Variants in CDH13 observed in about 807,000 individuals in gnomAD.
CDH13 encodes the protein cadherin 13.
In CDH13, 24 loss-of-function variants were observed where a neutral mutation model predicts 63.8. That is an observed-to-expected ratio of 0.38 (90% CI 0.27 to 0.53). The LOEUF is 0.53. Among genes scored for constraint, CDH13 ranks in the 20% least tolerant of loss-of-function variants. The pLI is 0.85. For missense variants in CDH13, 1,049 were observed against 903.1 expected, an observed-to-expected ratio of 1.16 and a Z score of -2.07; for synonymous variants, 503 against 355.3, an observed-to-expected ratio of 1.42 and a Z score of -4.67.
intron 6 of CDH13, among the ~76,000 whole-genome samples, chr16:83,457,913 C>T (rs907763406): frequency 2.0e-5 from 3 of 152,186 alleles, no homozygotes; most frequent in Admixed American, 6.5e-5. Flanking sequence ...TTTTGCTTTT[C>T]CAGCAGGCGT....
intron 4 of CDH13, among the ~76,000 whole-genome samples, chr16:83,189,838 A>G (rs527864678): frequency 6.6e-6 from 1 of 152,236 alleles, no homozygotes; most frequent in East Asian, 1.9e-4. Flanking sequence ...GAGGGACCCA[A>G]TGGGAGGTAA....
chr16:82,639,067 C>T (rs781730117), intron 1 of CDH13, among the ~76,000 whole-genome samples: 2 of 152,116 alleles, frequency 1.3e-5, no homozygotes, highest in Non-Finnish European at 2.9e-5. Flanking sequence ...GGGTTTGGAC[C>T]CATGCGTCTT....
intron 4 of CDH13, among the ~76,000 whole-genome samples, chr16:83,155,135 A>C (rs1271822484): frequency 1.3e-5 from 2 of 152,256 alleles, no homozygotes; most frequent in East Asian, 3.8e-4. Context: ...TTCAAGAAGC[A>C]ATCTTTGAAA....
intron 4 of CDH13, among the ~76,000 whole-genome samples, chr16:83,210,769 A>C (rs1324255320): frequency 5.9e-5 from 9 of 151,960 alleles, no homozygotes; most frequent in South Asian, 2.1e-4. Context: ...GAGAACCTAC[A>C]GGGAAGTACC....
intron 7 of CDH13, among the ~76,000 whole-genome samples, chr16:83,536,901 G>T (rs904227241): frequency 2.0e-5 from 3 of 152,184 alleles, no homozygotes; most frequent in Admixed American, 2.0e-4. Context: ...TTCTTGACTG[G>T]TGCAATCGAA....
intron 2 of CDH13, among the ~76,000 whole-genome samples, chr16:83,005,861 G>C (rs1913437464): frequency 6.6e-6 from 1 of 152,196 alleles, no homozygotes; most frequent in Non-Finnish European, 1.5e-5. Flanking sequence ...ATGTAAGCTT[G>C]TACAGTCATC....
In CDH13 at chr16:82,694,327, C is replaced by T. The variant is rs60791684; in HGVS notation, c.45+67190C>T. Reference sequence around the variant, plus strand: ...GCTACTTTTGATAAAATGTGACAGGCAGACTTTGGTATTTCACCACCCCAA... The same window carrying T: ...GCTACTTTTGATAAAATGTGACAGGTAGACTTTGGTATTTCACCACCCCAA... On this transcript the variant is annotated intron_variant, in intron 1 of 13. Transcript: ENST00000567109. 7.6e-3 allele frequency among the ~76,000 whole-genome samples: 1,152 copies of T among 152,300 alleles called. 10 individuals carry two copies. The highest frequency in any genetic ancestry group is 0.026 in the African/African-American group (1,097 of 41,546).
intron 5 of CDH13, among the ~76,000 whole-genome samples, chr16:83,304,943 A>G (rs1013115815): frequency 3.9e-5 from 6 of 152,096 alleles, no homozygotes; most frequent in African/African-American, 1.4e-4. Context: ...GAACTTTCCC[A>G]CTTTTCATAT....
At chr16:83,102,492 G>C (rs1254471792) in intron 3 of CDH13, among the ~76,000 whole-genome samples, 1 of 152,120 alleles carries the variant, frequency 6.6e-6, no homozygotes, top group Non-Finnish European at 1.5e-5. Flanking sequence ...GCAGTAACAG[G>C]GGCAGAGTGC....
intron 1 of CDH13, among the ~76,000 whole-genome samples, chr16:82,681,270 C>T (rs1291984981): frequency 2.6e-5 from 4 of 152,124 alleles, no homozygotes; most frequent in Non-Finnish European, 5.9e-5. Flanking sequence ...CCGTGTGGTT[C>T]CATTTAGATG....
intron 2 of CDH13, among the ~76,000 whole-genome samples, chr16:82,912,070 C>A (rs1016592321): frequency 2.0e-5 from 3 of 152,030 alleles, no homozygotes; most frequent in Non-Finnish European, 4.4e-5. Flanking sequence ...CCGCCCCTGC[C>A]GTCTCTTCAG....
chr16:83,448,987 C>T (rs932063455), intron 6 of CDH13, among the ~76,000 whole-genome samples: 1 of 152,136 alleles, frequency 6.6e-6, no homozygotes, highest in Non-Finnish European at 1.5e-5. Flanking sequence ...ACAATATGCT[C>T]CTAGATACCG....
At chr16:82,709,535 G>A (rs1054285227) in intron 1 of CDH13, among the ~76,000 whole-genome samples, 1 of 152,156 alleles carries the variant, frequency 6.6e-6, no homozygotes, top group African/African-American at 2.4e-5. Context: ...TGATGTTTCT[G>A]TTACTTCATC....
At chr16:83,722,713 C>T (rs915486346) in intron 10 of CDH13, among the ~76,000 whole-genome samples, 1 of 152,202 alleles carries the variant, frequency 6.6e-6, no homozygotes, top group African/African-American at 2.4e-5. Context: ...GGTCTTTGTC[C>T]AGCAGAGTCA....
chr16:82,947,360 G>A (rs976435981), intron 2 of CDH13, among the ~76,000 whole-genome samples: 1 of 152,030 alleles, frequency 6.6e-6, no homozygotes. Context: ...AGAGTATAAC[G>A]TTTCAGAATT....
In CDH13 at chr16:83,321,732, G is replaced by A. The variant is rs143102827; in HGVS notation, c.637-23130G>A. On this transcript the variant is annotated intron_variant, in intron 5 of 13. Coordinates refer to ENST00000567109, the MANE Select transcript of CDH13 (RefSeq NM_001257.5). ...TTTAGTAGAGACAGGGTTTCATCGT[G>A]TTAGCCAGGATGGTCTCGATCTCCT... is the stretch of plus-strand genomic sequence containing the variant. 3.3e-3 allele frequency among the ~76,000 whole-genome samples: 498 copies of A among 152,130 alleles called. 4 individuals are homozygous for A. Among genetic ancestry groups the A allele is most frequent in the African/African-American group, 0.011 (472 of 41,512 alleles).
chr16:83,049,377 G>A (rs1158355391), intron 3 of CDH13, among the ~76,000 whole-genome samples: 1 of 122,484 alleles, frequency 8.2e-6, no homozygotes, highest in African/African-American at 3.2e-5. Context: ...CGCCCAGGTT[G>A]GGGTTGGAGT....
chr16:83,135,531 G>C (rs1196567037), intron 4 of CDH13, among the ~76,000 whole-genome samples: 1 of 152,158 alleles, frequency 6.6e-6, no homozygotes, highest in Admixed American at 6.5e-5. Flanking sequence ...TTGCCTTTCT[G>C]TGTCACCTGC....
At position 82,646,524 on chromosome 16, in the gene CDH13, G is replaced by T. The variant is rs2150899058; in HGVS notation, c.45+19387G>T. ...ACATGACTTTTAATTTACTGGTGCT[G>T]CATGGTCTGTGAAAAGTGGGTCAAA... On this transcript the variant is annotated intron_variant, in intron 1 of 13. Transcript: ENST00000567109. Among the ~76,000 whole-genome samples the T allele has an allele frequency of 2.6e-5, 4 of 152,270 alleles. 1 individual carries two copies. The South Asian group carries it at 8.3e-4, about 32-fold the overall frequency.
Sources: gnomAD v4.1 joint callset for allele counts (sites outside exome capture counted in the v4.1 genomes callset) on GRCh38, gnomAD v4.1.1 for gene constraint, MANE v1.5 for transcripts, NCBI Gene and HGNC (gene_info 2026-07-23, HGNC 2026-07-21) for gene names.